ZNF536: variants seen among roughly 807,000 people sequenced by gnomAD.
ZNF536 encodes zinc finger protein 536.
A neutral mutation model predicts 84.5 loss-of-function variants in ZNF536; 13 were observed. The ratio of observed to expected loss-of-function variants is 0.15; its 90% CI spans 0.10 to 0.24. The LOEUF is 0.24. Among genes scored for constraint, ZNF536 ranks in the 10% least tolerant of loss-of-function variants. The probability of loss-of-function intolerance (pLI) is 1.00; values close to 1 mark genes in which losing one functional copy is unlikely to be tolerated. For synonymous variants in ZNF536, 811 were observed against 742.5 expected (o/e 1.09, Z -1.50); for missense variants, 1,536 against 1,747.5 (o/e 0.88, Z 2.16).
intron 1 of ZNF536, among the ~76,000 whole-genome samples, chr19:30,402,891 C>T (rs1029895442): frequency 3.4e-5 from 5 of 149,164 alleles, no homozygotes; most frequent in Non-Finnish European, 5.9e-5. Context: ...GAATGTTACC[C>T]CCACCCCACC....
chr19:30,438,549 T>A (rs1371086273), intron 1 of ZNF536, among the ~76,000 whole-genome samples: 1 of 152,094 alleles, frequency 6.6e-6, no homozygotes, highest in Non-Finnish European at 1.5e-5. Context: ...CCAGGGATAT[T>A]CCCTATGGGG....
chr19:30,367,007 G>A (rs1247122595), intron 3 of ZNF536, among the ~76,000 whole-genome samples: 1 of 152,238 alleles, frequency 6.6e-6, no homozygotes, highest in Non-Finnish European at 1.5e-5. Context: ...AGGCCCCAGG[G>A]CAGTGACAGC....
chr19:30,644,657 G>A (rs552760716), intron 1 of ZNF536, among the ~76,000 whole-genome samples: 221 of 152,008 alleles, frequency 1.5e-3, no homozygotes, highest in Non-Finnish European at 2.6e-3. Context: ...GAGAATGATG[G>A]TTTCCAGCTT....
chr19:30,464,291 T>G (rs1330665564), intron 2 of ZNF536, among the ~76,000 whole-genome samples: 1 of 152,046 alleles, frequency 6.6e-6, no homozygotes, highest in Non-Finnish European at 1.5e-5. Flanking sequence ...AGGCAGGGAT[T>G]TCAGAAAGGC....
intron 1 of ZNF536, among the ~76,000 whole-genome samples, chr19:30,375,852 C>CGTGTGTGTGTGTAGGCGCGT: frequency 6.6e-6 from 1 of 151,826 alleles, no homozygotes; most frequent in South Asian, 2.1e-4. Context: ...CACTTGTATG[C>CGTGTGTGTGTGTAGGCGCGT]GTGTGTGTGT....
intron 2 of ZNF536, among the ~76,000 whole-genome samples, chr19:30,468,131 C>T (rs916504726): frequency 1.3e-5 from 2 of 152,232 alleles, no homozygotes; most frequent in African/African-American, 4.8e-5. Context: ...TTCCAGAAAA[C>T]AACCCCTGTG....
At chr19:30,363,142 C>T (rs181197739) in intron 3 of ZNF536, among the ~76,000 whole-genome samples, 315 of 152,106 alleles carry the variant, frequency 2.1e-3, no homozygotes, top group Middle Eastern at 0.01. Context: ...GTCTTTATGA[C>T]GTGGTGGGCT....
chr19:30,703,486 A>G (rs1275032799), intron 1 of ZNF536, among the ~76,000 whole-genome samples: 1 of 152,186 alleles, frequency 6.6e-6, no homozygotes, highest in East Asian at 1.9e-4. Context: ...CATTTGCTGA[A>G]CTTTCTCCCA....
intron 2 of ZNF536, among the ~76,000 whole-genome samples, chr19:30,295,328 T>C (rs2145855134): frequency 6.6e-6 from 1 of 151,260 alleles, no homozygotes; most frequent in Middle Eastern, 3.4e-3. Flanking sequence ...AACAGTGTGA[T>C]TGGAGGCGGG....
At chr19:30,596,497 A>C (rs2047468274) in intron 1 of ZNF536, among the ~76,000 whole-genome samples, 1 of 152,208 alleles carries the variant, frequency 6.6e-6, no homozygotes, top group Non-Finnish European at 1.5e-5. Context: ...CCAGCAGCGG[A>C]GTCAGCCATT....
intron 1 of ZNF536, among the ~76,000 whole-genome samples, chr19:30,618,404 A>G (rs2147116236): frequency 6.6e-6 from 1 of 152,318 alleles, no homozygotes. Flanking sequence ...AATAGACAGC[A>G]TAATATTTTG....
At chr19:30,588,391 G>C (rs901369226) in intron 1 of ZNF536, among the ~76,000 whole-genome samples, 2 of 152,156 alleles carry the variant, frequency 1.3e-5, no homozygotes, top group African/African-American at 2.4e-5. Context: ...GGTCCTACCT[G>C]TTTGGCCCCA....
At chr19:30,383,723 CTTTCTT>C (rs2049140123) in intron 1 of ZNF536, among the ~76,000 whole-genome samples, 1 of 38,386 alleles carries the variant, frequency 2.6e-5, no homozygotes, top group African/African-American at 7.5e-5. Flanking sequence ...TTCTTTCTTT[CTTTCTT>C]TCTTTCTTTC....
chr19:30,312,707 G>A, intron 2 of ZNF536, among the ~76,000 whole-genome samples: 1 of 152,200 alleles, frequency 6.6e-6, no homozygotes, highest in South Asian at 2.1e-4. Context: ...GGTCAGAGTG[G>A]CTCCCTCTTG....
intron 1 of ZNF536, among the ~76,000 whole-genome samples, chr19:30,408,706 GTCCA>G (rs1209687636): frequency 6.6e-6 from 1 of 151,896 alleles, no homozygotes; most frequent in Non-Finnish European, 1.5e-5. Context: ...CCATCCATAT[GTCCA>G]TCCATCCATC....
chr19:30,682,120 G>A (rs1007515899), intron 1 of ZNF536, among the ~76,000 whole-genome samples: 3 of 152,062 alleles, frequency 2.0e-5, no homozygotes, highest in African/African-American at 7.2e-5. Flanking sequence ...GACCACCAGG[G>A]GCCAAAAAGC....
intron 1 of ZNF536, among the ~76,000 whole-genome samples, chr19:30,620,194 T>C (rs2217660): frequency 1 from 152,182 of 152,236 alleles, 76,064 homozygotes; most frequent in African/African-American, 1. Context: ...AGCAAATGCC[T>C]GGCCTCAAGG....
In ZNF536 at chr19:30,479,235, C is replaced by T. The variant is rs79197771; in HGVS notation, c.2170+33503C>T. On this transcript the variant is annotated intron_variant, in intron 2 of 4. Coordinates refer to ENST00000355537, the MANE Select transcript of ZNF536 (RefSeq NM_014717.3). Reference sequence around the variant, plus strand: ...TTAGGGACCAGGCCAGTGGAAGCCTCATCATTTTCAGTATACAGTTTCCTG... The same window carrying T: ...TTAGGGACCAGGCCAGTGGAAGCCTTATCATTTTCAGTATACAGTTTCCTG... Among the ~76,000 whole-genome samples, 56 of 152,246 alleles carry T rather than the reference C, an allele frequency of 3.7e-4. 1 individual carries two copies. The East Asian group carries it at 0.01, about 28-fold the overall frequency.
intron 1 of ZNF536, among the ~76,000 whole-genome samples, chr19:30,576,357 C>T (rs2046736237): frequency 6.6e-6 from 1 of 152,168 alleles, no homozygotes; most frequent in Non-Finnish European, 1.5e-5. Flanking sequence ...GTCTCCTTCC[C>T]CCATCGTTCC....
Sources: gnomAD v4.1 joint callset for allele counts (sites outside exome capture counted in the v4.1 genomes callset) on GRCh38, gnomAD v4.1.1 for gene constraint, MANE v1.5 for transcripts, NCBI Gene and HGNC (gene_info 2026-07-23, HGNC 2026-07-21) for gene names.